The following GAPVD1 variants were observed in gnomAD, a reference collection of about 807,000 sequenced individuals.
GAPVD1 encodes GTPase-activating protein and VPS9 domain-containing protein 1.
In GAPVD1, 35 loss-of-function variants were observed where a neutral mutation model predicts 155.5. That is an observed-to-expected ratio of 0.23 (90% CI 0.17 to 0.30). GAPVD1 has a LOEUF of 0.30. Among genes scored for constraint, GAPVD1 ranks in the 10% least tolerant of loss-of-function variants. GAPVD1 has a pLI of 1.00. For missense variants in GAPVD1, 1,429 were observed against 1,775.7 expected (o/e 0.80, Z 3.51); for synonymous variants, 636 against 619.7 (o/e 1.03, Z -0.39).
chr9:125,322,481 A>G (rs1243566074), intron 10 of GAPVD1, among the ~76,000 whole-genome samples: 1 of 152,186 alleles, frequency 6.6e-6, no homozygotes, highest in East Asian at 1.9e-4. Context: ...CATGTAATGT[A>G]TGTTCATTCT....
chr9:125,324,838 A>G lies in GAPVD1; in HGVS notation c.1858+915A>G, dbSNP rs183273665. ...TATCAGTATTTTAGTAGTAAGCTGGAAGCCACTGAAGGCTTTTGGTTCAGT... is the reference window on the plus strand; with the variant it reads ...TATCAGTATTTTAGTAGTAAGCTGGGAGCCACTGAAGGCTTTTGGTTCAGT... On this transcript the variant is annotated intron_variant, in intron 11 of 27. Coordinates refer to ENST00000297933, the MANE Select transcript of GAPVD1 (RefSeq NM_001282680.3). 7.5e-4 allele frequency among the ~76,000 whole-genome samples: 114 copies of G among 152,292 alleles called. 1 individual carries two copies. Among genetic ancestry groups the G allele is most frequent in the South Asian group, 3.1e-3 (15 of 4,824 alleles).
Position 125,350,282 on chromosome 9 carries a change from A to G in GAPVD1, c.3300-13A>G. ...GGATAAAGAAATTAATGTATTTTCTACTCATTTTTCAGAGATGCAAAAAAG... is the reference window on the plus strand; with the variant it reads ...GGATAAAGAAATTAATGTATTTTCTGCTCATTTTTCAGAGATGCAAAAAAG... On this transcript the variant is annotated splice_polypyrimidine_tract_variant and intron_variant, in intron 21 of 27. Coordinates refer to ENST00000297933, the MANE Select transcript of GAPVD1 (RefSeq NM_001282680.3). The G allele has an allele frequency of 6.8e-7, 1 of 1,470,100 alleles. No homozygotes were observed. Among genetic ancestry groups the G allele is most frequent in the South Asian group, 1.2e-5 (1 of 82,448 alleles). The allele number at this position is 1,470,100 out of a possible 1,614,324, so 91.1% of individuals were successfully genotyped here. A position where few individuals can be genotyped will look rare whatever the true frequency, so the allele number is the denominator to read the frequency against.
intron 1 of GAPVD1, among the ~76,000 whole-genome samples, chr9:125,266,122 C>T (rs1034406611): frequency 8.1e-6 from 1 of 122,920 alleles, no homozygotes; most frequent in Non-Finnish European, 1.7e-5. Context: ...GGGATGATAT[C>T]TATAATTTTT....
In GAPVD1 at chr9:125,362,653, T is replaced by C. The variant is rs763943599; in HGVS notation, c.4290T>C (p.Phe1430=). 2 of 1,613,352 alleles carry C rather than the reference T, an allele frequency of 1.2e-6. No homozygotes were observed. The highest frequency in any genetic ancestry group is 2.2e-5 in the South Asian group (2 of 90,990). Residue 1430 remains phenylalanine, a synonymous_variant, in exon 28 of 28, where the codon TTT becomes TTC. Transcript: ENST00000297933. ...CTACTGTGCAGTATATCAGTAGCTT[T>C]TATGCTAGCTGTCTGTCTGGAGAGG... is the stretch of plus-strand genomic sequence containing the variant. ...LLSTVQYISS[F]YASCLSGEES...
chr9:125,315,851 C>G (rs1384392654), intron 9 of GAPVD1, among the ~76,000 whole-genome samples: 2 of 152,002 alleles, frequency 1.3e-5, no homozygotes, highest in Admixed American at 1.3e-4. Context: ...AGGAAAGACC[C>G]TAGAAGATCC....
chr9:125,317,386 G>A (rs1010376761), intron 9 of GAPVD1, among the ~76,000 whole-genome samples: 1 of 151,896 alleles, frequency 6.6e-6, no homozygotes, highest in Admixed American at 6.6e-5. Flanking sequence ...AGCACTCTGG[G>A]AGGCTGAGGT....
chr9:125,325,593 C>A (rs985137981), intron 11 of GAPVD1, among the ~76,000 whole-genome samples: 5 of 149,256 alleles, frequency 3.3e-5, no homozygotes, highest in African/African-American at 4.9e-5. Context: ...ATAAGAATTA[C>A]CTGGTTAGCT....
At chr9:125,317,035 A>G (rs187297963) in intron 9 of GAPVD1, among the ~76,000 whole-genome samples, 1 of 152,272 alleles carries the variant, frequency 6.6e-6, no homozygotes, top group East Asian at 1.9e-4. Flanking sequence ...AATGTCCTTG[A>G]TGGGCCAGGC....
At chr9:125,290,320 A>T (rs1838367098) in intron 2 of GAPVD1, among the ~76,000 whole-genome samples, 1 of 152,134 alleles carries the variant, frequency 6.6e-6, no homozygotes, top group Non-Finnish European at 1.5e-5. Flanking sequence ...GAAAAATATG[A>T]ACGTGGGGAA....
intron 2 of GAPVD1, among the ~76,000 whole-genome samples, chr9:125,294,259 T>C (rs888164251): frequency 6.6e-6 from 1 of 151,832 alleles, no homozygotes; most frequent in Non-Finnish European, 1.5e-5. Flanking sequence ...CAGGCTGGTC[T>C]CGAACTCCTG....
intron 23 of GAPVD1, among the ~76,000 whole-genome samples, chr9:125,351,972 C>T (rs950050033): frequency 6.6e-6 from 1 of 152,134 alleles, no homozygotes; most frequent in Non-Finnish European, 1.5e-5. Flanking sequence ...AACTCCTGAC[C>T]TCAAGTGATC....
intron 1 of GAPVD1, among the ~76,000 whole-genome samples, chr9:125,265,556 C>T (rs1053968485): frequency 2.6e-5 from 4 of 150,968 alleles, no homozygotes; most frequent in Admixed American, 2.0e-4. Context: ...GGACTACAGG[C>T]GGGTGCCACG....
rs1174845708 is a variant in GAPVD1, at chr9:125,261,911, G to A, written c.-247G>A. On this transcript the variant is annotated 5_prime_UTR_variant, in exon 1 of 28. The change creates a new upstream start codon in the 5' untranslated region. Transcript: ENST00000297933. ...GCTAGGGCGACGGCTCCGAGGCCGA[G>A]TGGCGGTCCGACAGAGTCCTCCGTG... The A allele has an allele frequency of 6.5e-6, 1 of 154,258 alleles. No individual in the cohort carries two copies. Among genetic ancestry groups the A allele is most frequent in the African/African-American group, 2.4e-5 (1 of 41,500 alleles). 9.6% of individuals were successfully genotyped at this position (154,258 alleles called of 1,614,324 possible).
Position 125,362,995 on chromosome 9 carries a change from G to A in GAPVD1, c.*249G>A, listed in dbSNP as rs1851156863. 1.2e-5 allele frequency: 3 copies of A among 241,316 alleles called. No homozygotes were observed. In the East Asian group the frequency reaches 2.4e-4, roughly 19 times the overall value. The allele number at this position is 241,316 out of a possible 1,614,324, so 14.9% of individuals were successfully genotyped here. A position where few individuals can be genotyped will look rare whatever the true frequency, so the allele number is the denominator to read the frequency against. On this transcript the variant is annotated 3_prime_UTR_variant, in exon 28 of 28. Transcript: ENST00000297933. ...CAAGTAGAGACTAGTACTACAAAAA[G>A]GGACCACATTTTTCAAGTATTTCTA... is the stretch of plus-strand genomic sequence containing the variant.
At chr9:125,323,518 G>A (rs186345914) in intron 10 of GAPVD1, among the ~76,000 whole-genome samples, 9 of 152,144 alleles carry the variant, frequency 5.9e-5, no homozygotes, top group Admixed American at 4.6e-4. Flanking sequence ...TGTTAGCCAG[G>A]ATGGTCTCGA....
rs114781253 is a variant in GAPVD1 at position 125,276,998 on chromosome 9, T to C, written c.-150+8014T>C. Among the ~76,000 whole-genome samples, 761 of 152,204 alleles carry C rather than the reference T, an allele frequency of 5.0e-3. 8 individuals carry two copies. Among genetic ancestry groups the C allele is most frequent in the African/African-American group, 0.017 (714 of 41,530 alleles). ...AGGCTGGTCTTTTGAATTCCTGGCC[T>C]CAGGCGATCCTCCCACTTTGGCCTC... On this transcript the variant is annotated intron_variant, in intron 2 of 27. Transcript: ENST00000297933.
chr9:125,303,478 T>TAA (rs1260066444), intron 5 of GAPVD1, among the ~76,000 whole-genome samples: 2 of 122,080 alleles, frequency 1.6e-5, no homozygotes, highest in Non-Finnish European at 1.7e-5. Context: ...CCATATCTAT[T>TAA]AAAAAAAAAA....
intron 27 of GAPVD1, among the ~76,000 whole-genome samples, chr9:125,361,521 C>T: frequency 6.7e-6 from 1 of 149,762 alleles, no homozygotes; most frequent in Admixed American, 6.6e-5. Context: ...GAGACTCCAT[C>T]TTAAAAAAAA....
At chr9:125,352,554 C>G (rs1488360987) in intron 23 of GAPVD1, among the ~76,000 whole-genome samples, 1 of 152,224 alleles carries the variant, frequency 6.6e-6, no homozygotes, top group African/African-American at 2.4e-5. Context: ...CTGCACACAG[C>G]ATGGGGACCC....
Sources: gnomAD v4.1 joint callset for allele counts (sites outside exome capture counted in the v4.1 genomes callset) on GRCh38, gnomAD v4.1.1 for gene constraint, MANE v1.5 for transcripts, NCBI Gene and HGNC (gene_info 2026-07-23, HGNC 2026-07-21) for gene names.